Variants in RPL3 observed in about 807,000 individuals in gnomAD.
The protein encoded by RPL3 is large ribosomal subunit protein uL3.
RPL3 carries 3 observed loss-of-function variants against 46.0 expected under a neutral mutation model. The observed-to-expected ratio is 0.07, with a 90% CI of 0.03 to 0.17. The LOEUF (loss-of-function observed/expected upper bound fraction) is 0.17. RPL3 is among the 10% of genes least tolerant of loss of function. The pLI is 1.00. For synonymous variants in RPL3, 224 were observed against 190.8 expected, an observed-to-expected ratio of 1.17 and a Z score of -1.43; for missense variants, 387 against 532.7, an observed-to-expected ratio of 0.73 and a Z score of 2.69.
At chr22:39,319,550 T>A in intron 1 of RPL3, 45 bp downstream of exon 1, 1 of 1,559,092 alleles carries the variant, frequency 6.4e-7, no homozygotes, top group Non-Finnish European at 8.7e-7. Context: ...GATTCAGCCG[T>A]GCCGACGCCG....
Position 39,313,676 on chromosome 22 carries a change from G to A in RPL3, c.1005C>T (p.Gly335=), listed in dbSNP as rs145391424. The change falls in exon 8 of 10, where the codon GGC becomes GGT. Residue 335 remains glycine, a synonymous_variant. Coordinates refer to ENST00000216146, the MANE Select transcript of RPL3 (RefSeq NM_000967.4). Reference sequence around the variant, plus strand: ...CCCGCTTCTTGGTTCCCACCACACAGCCTTTCAGCATGACAAAGTCATTGG... The same window carrying A: ...CCCGCTTCTTGGTTCCCACCACACAACCTTTCAGCATGACAAAGTCATTGG... ...EVTNDFVMLK[G]CVVGTKKRVL... The A allele has an allele frequency of 3.6e-4, 579 of 1,614,072 alleles. 3 individuals are homozygous for A. The African/African-American group carries it at 7.2e-3, about 20-fold the overall frequency.
At position 39,317,462 on chromosome 22, in the gene RPL3, A is replaced by G; in HGVS notation, c.364T>C (p.Trp122Arg). 1 of 1,613,128 alleles carries G rather than the reference A, an allele frequency of 6.2e-7. No individual in the cohort carries two copies. Among genetic ancestry groups the G allele is most frequent in the Non-Finnish European group, 8.5e-7 (1 of 1,179,278 alleles). ...GGACTGCATGGCCTCCTCCCTTACC[A>G]ATTCTTATAGAAACGCCTCTTGCAT... The part of the protein sequence containing the change: ...DECKRRFYKN[W>R]HKSKKKAFTK... Residue 122 changes from tryptophan to arginine, a missense_variant and splice_region_variant, in exon 3 of 10, where the codon TGG (tryptophan) becomes CGG (arginine). Trp to Arg is a moderately radical substitution (Grantham distance 101, BLOSUM62 -3). This residue lies in a region of RPL3 where 196 missense variants were observed against 217.5 expected (regional missense o/e 0.90). Transcript: ENST00000216146.
chr22:39,317,949 TAGTC>T (rs1922806834), intron 2 of RPL3: 2 of 384,584 alleles, frequency 5.2e-6, no homozygotes, highest in Admixed American at 4.1e-5. Context: ...GCTCAGAGAT[TAGTC>T]AGTATCAACT....
Position 39,313,278 on chromosome 22 carries a change from C to A in RPL3, c.1080G>T (p.Leu360=), listed in dbSNP as rs1433865591. ...CAATGAACTTAAGGTCAATCTTCTCCAGAGCCCGCCGCTTCGTCTGCACCA... is the reference window on the plus strand; with the variant it reads ...CAATGAACTTAAGGTCAATCTTCTCAAGAGCCCGCCGCTTCGTCTGCACCA... The part of the protein sequence containing the change: ...SLLVQTKRRA[L]EKIDLKFIDT... The change falls in exon 9 of 10, where the codon CTG becomes CTT. Residue 360 remains leucine, a synonymous_variant. Coordinates refer to ENST00000216146, the MANE Select transcript of RPL3 (RefSeq NM_000967.4). The A allele has an allele frequency of 6.2e-7, 1 of 1,613,304 alleles. No individual in the cohort carries two copies.
intron 7 of RPL3, 103 bp downstream of exon 7, chr22:39,314,004 T>G: frequency 1.0e-6 from 1 of 970,214 alleles, no homozygotes; most frequent in Non-Finnish European, 1.7e-6. Flanking sequence ...AGGTGTTGTG[T>G]TGGCTTCAGT....
chr22:39,314,658 C>A, intron 6 of RPL3, 28 bp downstream of exon 6: 1 of 1,597,004 alleles, frequency 6.3e-7, no homozygotes, highest in Non-Finnish European at 8.5e-7. Context: ...CTCTTCCCAC[C>A]CCCAGGGAGC....
At position 39,314,612 on chromosome 22, in the gene RPL3, G is replaced by A. The variant is rs966161662; in HGVS notation, c.849+74C>T. The A allele has an allele frequency of 9.3e-6, 14 of 1,502,374 alleles. No homozygotes were observed. The African/African-American group carries it at 1.9e-4, about 21-fold the overall frequency. The allele number at this position is 1,502,374 out of a possible 1,614,324, so 93.1% of individuals were successfully genotyped here. ...AAGCTACAGTCAGTGAAGCAGCACTGACAGGCACAGAAACCCCACTCCCCA... is the reference window on the plus strand; with the variant it reads ...AAGCTACAGTCAGTGAAGCAGCACTAACAGGCACAGAAACCCCACTCCCCA... On this transcript the variant is annotated intron_variant, in intron 6 of 9. Coordinates refer to ENST00000216146, the MANE Select transcript of RPL3 (RefSeq NM_000967.4).
chr22:39,315,221 C>CTTCT, intron 5 of RPL3, 148 bp downstream of exon 5: 1 of 1,178,320 alleles, frequency 8.5e-7, no homozygotes, highest in Non-Finnish European at 1.3e-6. Flanking sequence ...AGGCTGTTCT[C>CTTCT]AGAAGGAAGG....
chr22:39,318,369 T>G, intron 2 of RPL3, 31 bp downstream of exon 2: 1 of 1,602,246 alleles, frequency 6.2e-7, no homozygotes, highest in Non-Finnish European at 8.5e-7. Context: ...TCCACTCCTA[T>G]TCCCCCAACT....
Position 39,315,527 on chromosome 22 carries a change from T to G in RPL3, c.530A>C (p.Lys177Thr), listed in dbSNP as rs1262882764. Residue 177 changes from lysine (K) to threonine (T), a missense_variant, in exon 5 of 10, where the codon AAG (lysine) becomes ACG (threonine). Physicochemically the swap from Lys to Thr is moderately conservative, Grantham distance 78. Coordinates refer to ENST00000216146, the MANE Select transcript of RPL3 (RefSeq NM_000967.4). The part of the protein sequence containing the change: ...QMRLLPLRQK[K>T]AHLMEIQVNG... ...CACCTGGATCTCCATCAGGTGGGCC[T>G]TCTTCTGGCGCAGAGGAAGCAGGCG... 1.1e-5 allele frequency: 18 copies of G among 1,614,122 alleles called. No homozygotes were observed. Among genetic ancestry groups the G allele is most frequent in the Middle Eastern group, 1.7e-4 (1 of 6,060 alleles).
At chr22:39,314,893 C>G (rs940648579) in intron 5 of RPL3, 47 bp from the exon 6 acceptor site, 5 of 1,591,412 alleles carry the variant, frequency 3.1e-6, no homozygotes, top group Admixed American at 3.4e-5. Flanking sequence ...GCACCTCCCA[C>G]TGACCCCTTC....
In RPL3 at chr22:39,314,855, G is replaced by A. The variant is rs762120876; in HGVS notation, c.689-9C>T. On this transcript the variant is annotated splice_polypyrimidine_tract_variant and intron_variant, in intron 5 of 9. Coordinates refer to ENST00000216146, the MANE Select transcript of RPL3 (RefSeq NM_000967.4). Reference sequence around the variant, plus strand: ...CCAACGACTGGTGACCCCTGGAATGGATACACATTACTTCACCTCAGCGCC... The same window carrying A: ...CCAACGACTGGTGACCCCTGGAATGAATACACATTACTTCACCTCAGCGCC... 7.4e-6 allele frequency: 12 copies of A among 1,611,076 alleles called. No individual in the cohort carries two copies. The highest frequency in any genetic ancestry group is 9.3e-6 in the Non-Finnish European group (11 of 1,177,960).
Position 39,318,668 on chromosome 22 carries a change from T to C in RPL3, c.4-76A>G, listed in dbSNP as rs2044405524. The C allele has an allele frequency of 3.9e-6, 5 of 1,289,450 alleles. No homozygotes were observed. In the South Asian group the frequency reaches 7.1e-5, roughly 18 times the overall value. 79.9% of individuals were successfully genotyped at this position (1,289,450 alleles called of 1,614,324 possible). On this transcript the variant is annotated intron_variant, in intron 1 of 9. Transcript: ENST00000216146. ...TTCTCTAGTTCCCAGCTGCTTAAGTTCCAAATCTCAGCAATACTGAAGAAT... is the reference window on the plus strand; with the variant it reads ...TTCTCTAGTTCCCAGCTGCTTAAGTCCCAAATCTCAGCAATACTGAAGAAT...
chr22:39,317,059 C>A (rs1426315228), intron 3 of RPL3: 1 of 677,988 alleles, frequency 1.5e-6, no homozygotes, highest in African/African-American at 1.8e-5. Context: ...AAGTTACACG[C>A]ATTCAAACAA....
chr22:39,318,881 A>G, intron 1 of RPL3: 1 of 441,072 alleles, frequency 2.3e-6, no homozygotes, highest in Non-Finnish European at 4.4e-6. Context: ...GGCACTAAAA[A>G]CTGCTTAACA....
intron 5 of RPL3, 183 bp downstream of exon 5, chr22:39,315,186 G>A (rs767954895): frequency 6.3e-6 from 6 of 955,324 alleles, no homozygotes; most frequent in Middle Eastern, 2.1e-4. Flanking sequence ...CTGGCCCTCC[G>A]CTATCCCAGC....
chr22:39,319,205 A>G, intron 1 of RPL3: 1 of 536,392 alleles, frequency 1.9e-6, no homozygotes, highest in Non-Finnish European at 3.7e-6. Context: ...AAGCTTCTTT[A>G]CCTCCCAATG....
At chr22:39,317,434 T>C (rs1264065466) in intron 3 of RPL3, 27 bp downstream of exon 3, 1 of 1,605,274 alleles carries the variant, frequency 6.2e-7, no homozygotes, top group Admixed American at 1.7e-5. Flanking sequence ...GCTCCCAAGC[T>C]AGGGACTGCA....
In RPL3 at chr22:39,313,224, G is replaced by A; in HGVS notation, c.1134C>T (p.Arg378=). ...CTTTCTTCTCCTCCATGGTCTGGAA[G>A]CGGCCATGGCCAAACTTGGAGGTGG... is the stretch of plus-strand genomic sequence containing the variant. The part of the protein sequence containing the change: ...IDTTSKFGHG[R]FQTMEEKKAF... Residue 378 remains arginine, a synonymous_variant, in exon 9 of 10, where the codon CGC becomes CGT. Coordinates refer to ENST00000216146, the MANE Select transcript of RPL3 (RefSeq NM_000967.4). The A allele has an allele frequency of 1.2e-6, 2 of 1,609,844 alleles. No homozygotes were observed. The highest frequency in any genetic ancestry group is 1.7e-6 in the Non-Finnish European group (2 of 1,178,116).
Sources: gnomAD v4.1 joint callset for allele counts on GRCh38, gnomAD v4.1.1 for gene constraint, gnomAD v4.1.1 regional missense constraint, MANE v1.5 for transcripts, NCBI Gene and HGNC (gene_info 2026-07-23, HGNC 2026-07-21) for gene names.